The following CTNNA1 variants were observed in gnomAD, a reference collection of about 807,000 sequenced individuals.
CTNNA1 encodes catenin alpha 1.
A neutral mutation model predicts 98.4 loss-of-function variants in CTNNA1; 37 were observed. The ratio of observed to expected loss-of-function variants is 0.38; its 90% confidence interval spans 0.29 to 0.49. CTNNA1 has a LOEUF of 0.49. Among genes scored for constraint, CTNNA1 ranks in the 20% least tolerant of loss-of-function variants. The pLI, the probability that CTNNA1 is intolerant of heterozygous loss-of-function variation, is 0.95. For synonymous variants in CTNNA1, 404 were observed against 413.2 expected (o/e 0.98, Z 0.27); for missense variants, 761 against 1,147.2 (o/e 0.66, Z 4.86).
intron 7 of CTNNA1, among the ~76,000 whole-genome samples, chr5:138,860,574 C>T (rs1262955328): frequency 2.6e-5 from 4 of 152,168 alleles, no homozygotes; most frequent in African/African-American, 9.7e-5. Flanking sequence ...CAGCTCGCTG[C>T]ATCCTCTGCC....
intron 7 of CTNNA1, among the ~76,000 whole-genome samples, chr5:138,862,089 A>G (rs1323918507): frequency 6.6e-6 from 1 of 152,216 alleles, no homozygotes; most frequent in Non-Finnish European, 1.5e-5. Flanking sequence ...ATAAGATTGT[A>G]TGTCTTTCAT....
At chr5:138,880,423 G>A (rs1249213391) in intron 7 of CTNNA1, 1 of 152,496 alleles carries the variant, frequency 6.6e-6, no homozygotes, top group Non-Finnish European at 1.5e-5. Context: ...ACAGGCATAA[G>A]CCACCATGCC....
rs1751121820 is a variant in CTNNA1, at chr5:138,874,779, A to G, written c.1063-11433A>G. On this transcript the variant is annotated intron_variant, in intron 7 of 17. Coordinates refer to ENST00000302763, the MANE Select transcript of CTNNA1 (RefSeq NM_001903.5). The surrounding 1 kb of genome is among the most constrained non-coding windows in gnomAD (Gnocchi z 4.1). ...AACATGTCTCTGTCATCATCGATAT[A>G]TGCTTTTACCTAAACCTCAAAATCC... 2 of 919,262 alleles carry G rather than the reference A, an allele frequency of 2.2e-6. No individual in the cohort carries two copies. The highest frequency in any genetic ancestry group is 2.4e-5 in the East Asian group (1 of 41,148). 56.9% of individuals were successfully genotyped at this position (919,262 alleles called of 1,614,324 possible). A position where few individuals can be genotyped will look rare whatever the true frequency, so the allele number is the denominator to read the frequency against.
chr5:138,933,168 C>T (rs895433428), intron 17 of CTNNA1, among the ~76,000 whole-genome samples: 1 of 152,098 alleles, frequency 6.6e-6, no homozygotes, highest in Non-Finnish European at 1.5e-5. Flanking sequence ...ACAAAACTTC[C>T]TTTTCTTCCC....
intron 7 of CTNNA1, among the ~76,000 whole-genome samples, chr5:138,840,921 A>C (rs1394924221): frequency 2.0e-5 from 3 of 152,128 alleles, no homozygotes; most frequent in Non-Finnish European, 4.4e-5. Context: ...ATATAGTTAC[A>C]TAAAAGGATG....
chr5:138,779,587 C>CT (rs1754810738), intron 1 of CTNNA1, among the ~76,000 whole-genome samples: 1 of 151,860 alleles, frequency 6.6e-6, no homozygotes, highest in African/African-American at 2.4e-5. Flanking sequence ...AGGCTGGTCT[C>CT]AAACTCCTGG....
intron 5 of CTNNA1, among the ~76,000 whole-genome samples, chr5:138,816,163 A>G (rs961776406): frequency 3.9e-5 from 6 of 152,176 alleles, no homozygotes; most frequent in African/African-American, 1.4e-4. Flanking sequence ...TGCCTGGCTT[A>G]TTTGACTTAC....
chr5:138,770,629 C>T (rs1313567276), intron 1 of CTNNA1, among the ~76,000 whole-genome samples: 1 of 152,066 alleles, frequency 6.6e-6, no homozygotes, highest in African/African-American at 2.4e-5. Flanking sequence ...TCTTTCCTGA[C>T]TATTAGATTT....
intron 10 of CTNNA1, among the ~76,000 whole-genome samples, chr5:138,905,238 C>T (rs1311153761): frequency 1.3e-5 from 2 of 151,372 alleles, no homozygotes; most frequent in Non-Finnish European, 1.5e-5. Context: ...TGCAGTGAGC[C>T]GAGATCACAC....
chr5:138,872,920 G>T, intron 7 of CTNNA1: 2 of 920,650 alleles, frequency 2.2e-6, no homozygotes, highest in Non-Finnish European at 3.2e-6. Flanking sequence ...TAGGCTTAAT[G>T]TCACCATTGG....
At chr5:138,931,384 T>A (rs1765280271) in intron 16 of CTNNA1, among the ~76,000 whole-genome samples, 1 of 152,218 alleles carries the variant, frequency 6.6e-6, no homozygotes, top group Non-Finnish European at 1.5e-5. Context: ...ATACATTTCA[T>A]TTGGTGTTTT....
intron 3 of CTNNA1, among the ~76,000 whole-genome samples, chr5:138,791,615 CAAAAAAAAAAAAAAA>C (rs1181055311): frequency 7.4e-5 from 3 of 40,310 alleles, no homozygotes; most frequent in African/African-American, 2.2e-4. Context: ...GACTCCGTCT[CAAAAAAAAAAAAAAA>C]AAAAAAAAAA....
rs1580930439 is a variant in CTNNA1 at position 138,932,634 on chromosome 5, C to T, written c.2355C>T (p.Leu785=). Residue 785 remains leucine (L), a synonymous_variant, in exon 17 of 18, where the codon CTC becomes CTT. Transcript: ENST00000302763. ...TGGCCTACCTGCAACGCATCGCCCT[C>T]TACTGCCACCAGCTGAACATCTGCA... ...DLLAYLQRIA[L]YCHQLNICSK... The T allele has an allele frequency of 6.2e-7, 1 of 1,614,194 alleles. No individual in the cohort carries two copies. Among genetic ancestry groups the T allele is most frequent in the Non-Finnish European group, 8.5e-7 (1 of 1,180,030 alleles).
intron 1 of CTNNA1, among the ~76,000 whole-genome samples, chr5:138,764,058 A>G (rs1752643105): frequency 6.6e-6 from 1 of 152,090 alleles, no homozygotes; most frequent in African/African-American, 2.4e-5. Context: ...GGTGTCTCAC[A>G]CTTGTAATCC....
At chr5:138,758,487 C>T (rs1175653437) in intron 1 of CTNNA1, among the ~76,000 whole-genome samples, 1 of 152,194 alleles carries the variant, frequency 6.6e-6, no homozygotes, top group Non-Finnish European at 1.5e-5. Context: ...AAGTGATTCT[C>T]CTGCCTCAGC....
At chr5:138,758,641 C>A (rs2149571386) in intron 1 of CTNNA1, among the ~76,000 whole-genome samples, 1 of 152,256 alleles carries the variant, frequency 6.6e-6, no homozygotes, top group South Asian at 2.1e-4. Flanking sequence ...TCCCAAGGTG[C>A]TGGGATTACA....
At position 138,873,603 on chromosome 5, in the gene CTNNA1, A is replaced by G. The variant is rs1750914532; in HGVS notation, c.1063-12609A>G. ...CTGCCCAGCCAGGAGGCCAGAGCAC[A>G]TATTCGGGCGCTGCATTCCCACAGA... On this transcript the variant is annotated intron_variant, in intron 7 of 17. Transcript: ENST00000302763. This position sits in a 1 kb window ranked among gnomAD's most constrained non-coding sequence, Gnocchi z 6.1. The G allele has an allele frequency of 6.2e-7, 1 of 1,614,024 alleles. No individual in the cohort carries two copies. The highest frequency in any genetic ancestry group is 8.5e-7 in the Non-Finnish European group (1 of 1,179,894).
At chr5:138,867,294 T>C (rs899813873) in intron 7 of CTNNA1, among the ~76,000 whole-genome samples, 1 of 152,196 alleles carries the variant, frequency 6.6e-6, no homozygotes, top group African/African-American at 2.4e-5. Context: ...TTCCCTGGCA[T>C]TGGGAAAAGG....
chr5:138,912,043 T>C (rs1186866794), intron 10 of CTNNA1, among the ~76,000 whole-genome samples: 1 of 152,194 alleles, frequency 6.6e-6, no homozygotes, highest in African/African-American at 2.4e-5. Flanking sequence ...ACATGCAAGA[T>C]GCATGTCATG....
Sources: allele counts gnomAD v4.1 joint callset (sites outside exome capture counted in the v4.1 genomes callset), GRCh38; gene constraint gnomAD v4.1.1; non-coding constraint Gnocchi (gnomAD v3.1); transcripts MANE v1.5; gene names NCBI Gene and HGNC (gene_info 2026-07-23, HGNC 2026-07-21).